Variants in ZNF71 observed in about 807,000 individuals in gnomAD.
The protein encoded by ZNF71 is zinc finger protein 71, also known as endothelial zinc finger protein induced by tumor necrosis factor alpha.
Under a neutral mutation model 6.7 loss-of-function variants are expected in ZNF71, and 3 were observed. The observed-to-expected ratio is 0.45, with a 90% CI of 0.20 to 1.16. ZNF71 has a LOEUF of 1.16. ZNF71 is among the 50% of genes most tolerant of loss of function. The pLI is 0.25. For missense variants in ZNF71, 688 were observed against 728.6 expected, an observed-to-expected ratio of 0.94 and a Z score of 0.64; for synonymous variants, 343 against 311.1, an observed-to-expected ratio of 1.10 and a Z score of -1.08.
chr19:56,607,518 C>A (rs58035679), intron 2 of ZNF71, among the ~76,000 whole-genome samples: 12,435 of 152,164 alleles, frequency 0.082, 1,624 homozygotes, highest in African/African-American at 0.28. Flanking sequence ...CCCCCCATGA[C>A]GTAGATGCTG....
chr19:56,614,338 A>G (rs989421318), intron 3 of ZNF71, among the ~76,000 whole-genome samples: 1 of 152,236 alleles, frequency 6.6e-6, no homozygotes, highest in African/African-American at 2.4e-5. Context: ...AAAAAAGAAT[A>G]ATAGCCCATA....
rs1351853919 is a variant in ZNF71 at position 56,603,615 on chromosome 19, G to A, written c.33+2024G>A. On this transcript the variant is annotated intron_variant, in intron 2 of 3. Transcript: ENST00000599599. The surrounding 1 kb of genome is among the most constrained non-coding windows in gnomAD (Gnocchi z 4.6). ...AATGTTGGGTCATATGGTTAACTCT[G>A]TTGAACCAGTAAAGGAACCACCAGA... Among the ~76,000 whole-genome samples, 1 of 152,130 alleles carries A rather than the reference G, an allele frequency of 6.6e-6. No homozygotes were observed. The highest frequency in any genetic ancestry group is 1.9e-4 in the East Asian group (1 of 5,188).
intron 3 of ZNF71, among the ~76,000 whole-genome samples, chr19:56,614,268 C>A (rs888642673): frequency 1.5e-4 from 23 of 152,274 alleles, no homozygotes; most frequent in Non-Finnish European, 2.8e-4. Context: ...TTAAACCTTA[C>A]TACTGGAGAC....
chr19:56,596,254 G>C lies in ZNF71; in HGVS notation c.-53+826G>C, dbSNP rs117510325. ...GTCTTTCCAGGGGCCAGTCCTGTCT[G>C]GATCTTTCCTATCTCTGTGTGTCCA... On this transcript the variant is annotated intron_variant, in intron 1 of 3. Transcript: ENST00000599599. 2.0e-3 allele frequency among the ~76,000 whole-genome samples: 304 copies of C among 152,164 alleles called. 5 individuals carry two copies. In the East Asian group the frequency reaches 0.041, roughly 20 times the overall value.
At chr19:56,600,608 T>C in intron 1 of ZNF71, among the ~76,000 whole-genome samples, 1 of 152,106 alleles carries the variant, frequency 6.6e-6, no homozygotes, top group Non-Finnish European at 1.5e-5. Context: ...CATGAGTTTG[T>C]TTTAATTTTT....
rs2044880615 is a variant in ZNF71, at chr19:56,623,273, G to A, written c.*516G>A. The A allele has an allele frequency of 5.9e-6, 1 of 169,586 alleles. No individual in the cohort carries two copies. Among genetic ancestry groups the A allele is most frequent in the Admixed American group, 6.4e-5 (1 of 15,570 alleles). 10.5% of individuals were successfully genotyped at this position (169,586 alleles called of 1,614,324 possible). ...CGTTTCCCTGCAGTGCACGCTGGCA[G>A]CCACCAAGCTAGGAAGTGGCAGGAG... On this transcript the variant is annotated 3_prime_UTR_variant, in exon 4 of 4. Transcript: ENST00000599599.
rs202099305 is a variant in ZNF71 at position 56,621,418 on chromosome 19, G to A, written c.311G>A (p.Trp104Ter). ...GAAGGAGTGTGGGAACCAGGCAGCT[G>A]GCCAGAGAGGCCGCGGGGAGATGCA... ...GSEGVWEPGS[W>*]PERPRGDAGA... The change falls in exon 4 of 4, where the codon TGG becomes TAG. Residue 104 changes from tryptophan (W) to a stop codon, truncating the protein, a stop_gained. Transcript: ENST00000599599. LOFTEE classifies it low-confidence loss of function (END_TRUNC). The A allele has an allele frequency of 7.9e-5, 128 of 1,613,490 alleles. No homozygotes were observed. The highest frequency in any genetic ancestry group is 1.1e-4 in the Non-Finnish European group (126 of 1,179,640).
At chr19:56,601,195 C>T (rs2044668203) in intron 1 of ZNF71, among the ~76,000 whole-genome samples, 1 of 152,130 alleles carries the variant, frequency 6.6e-6, no homozygotes, top group Non-Finnish European at 1.5e-5. Context: ...ACATACTCTG[C>T]CTGACTCCAG....
Position 56,622,245 on chromosome 19 carries a change from C to G in ZNF71, c.1138C>G (p.His380Asp). The G allele has an allele frequency of 6.2e-7, 1 of 1,609,016 alleles. No homozygotes were observed. The highest frequency in any genetic ancestry group is 1.3e-5 in the African/African-American group (1 of 75,030). ...CTCGCTCACCCTGCACCAGAGGAAC[C>G]ACACCGGCGAGAAGCCCTACGTGTG... is the stretch of plus-strand genomic sequence containing the variant. ...SSSLTLHQRN[H>D]TGEKPYVCGE... Residue 380 changes from histidine (H) to aspartate (D), a missense_variant, in exon 4 of 4, where the codon CAC becomes GAC. His to Asp is a moderately conservative substitution (Grantham distance 81). Coordinates refer to ENST00000599599, the MANE Select transcript of ZNF71 (RefSeq NM_001370215.1).
intron 3 of ZNF71, among the ~76,000 whole-genome samples, chr19:56,616,113 C>T (rs1230165555): frequency 1.3e-5 from 2 of 152,208 alleles, no homozygotes; most frequent in South Asian, 2.1e-4. Flanking sequence ...GAAATCTTGG[C>T]CTATCCCAAG....
intron 1 of ZNF71, among the ~76,000 whole-genome samples, chr19:56,595,986 G>A (rs1281834889): frequency 2.0e-5 from 3 of 150,160 alleles, no homozygotes; most frequent in Non-Finnish European, 3.0e-5. Flanking sequence ...GTGTGGTAGC[G>A]TGTGTGTGTG....
In ZNF71 at chr19:56,623,978, C is replaced by G. The variant is rs1038113438; in HGVS notation, c.*1221C>G. On this transcript the variant is annotated 3_prime_UTR_variant, in exon 4 of 4. Coordinates refer to ENST00000599599, the MANE Select transcript of ZNF71 (RefSeq NM_001370215.1). ...ACAGGGAAGCACCAACAGACCATATCAGTAACTTCGAGTGAGTTTCCTAAG... is the reference window on the plus strand; with the variant it reads ...ACAGGGAAGCACCAACAGACCATATGAGTAACTTCGAGTGAGTTTCCTAAG... 1 of 167,118 alleles carries G rather than the reference C, an allele frequency of 6.0e-6. No homozygotes were observed. Among genetic ancestry groups the G allele is most frequent in the East Asian group, 1.9e-4 (1 of 5,198 alleles). The allele number at this position is 167,118 out of a possible 1,614,324, so 10.4% of individuals were successfully genotyped here.
rs200131241 is a variant in ZNF71, at chr19:56,617,107, C to CTTTT, written c.160+3170_160+3173dup. ...TAAGATTACAGGAGACTTCCATTTT[C>CTTTT]TTTTGTTTTTTTTTGTTTTTTTTGA... On this transcript the variant is annotated intron_variant, in intron 3 of 3. Transcript: ENST00000599599. 1.8e-3 allele frequency among the ~76,000 whole-genome samples: 216 copies of CTTTT among 117,074 alleles called. 3 individuals are homozygous for CTTTT. The highest frequency in any genetic ancestry group is 7.6e-3 in the East Asian group (23 of 3,032). The allele number at this position is 117,074 out of a possible 152,430, so 76.8% of individuals were successfully genotyped here. A position where few individuals can be genotyped will look rare whatever the true frequency, so the allele number is the denominator to read the frequency against.
chr19:56,602,116 A>G (rs1409372537), intron 2 of ZNF71, among the ~76,000 whole-genome samples: 3 of 152,192 alleles, frequency 2.0e-5, no homozygotes, highest in Non-Finnish European at 4.4e-5. Flanking sequence ...GCATTTCTCC[A>G]CATCATTAAA....
rs1289973937 is a variant in ZNF71, at chr19:56,618,570, A to G, written c.161-2698A>G. On this transcript the variant is annotated intron_variant, in intron 3 of 3. Transcript: ENST00000599599. The surrounding 1 kb of genome is among the most constrained non-coding windows in gnomAD (Gnocchi z 4.6). ...GCCACAGGTCACTGAGTGTTCATAA[A>G]GAAGTGGGCAGGAGGACCTTCCTTC... 6.6e-6 allele frequency among the ~76,000 whole-genome samples: 1 copy of G among 152,176 alleles called. No individual in the cohort carries two copies. Among genetic ancestry groups the G allele is most frequent in the East Asian group, 1.9e-4 (1 of 5,200 alleles).
chr19:56,601,077 G>A (rs893692897), intron 1 of ZNF71, among the ~76,000 whole-genome samples: 2 of 152,140 alleles, frequency 1.3e-5, no homozygotes, highest in African/African-American at 4.8e-5. Context: ...GCCCTCAGCA[G>A]CCTGCGGGAA....
chr19:56,600,806 A>G (rs10423168), intron 1 of ZNF71, among the ~76,000 whole-genome samples: 105,299 of 152,034 alleles, frequency 0.69, 37,041 homozygotes, highest in East Asian at 1. Context: ...TTGAGACTTT[A>G]TCCTGAGCTT....
chr19:56,603,153 C>T lies in ZNF71; in HGVS notation c.33+1562C>T, dbSNP rs143639873. Among the ~76,000 whole-genome samples, 1 of 152,314 alleles carries T rather than the reference C, an allele frequency of 6.6e-6. No individual in the cohort carries two copies. Among genetic ancestry groups the T allele is most frequent in the African/African-American group, 2.4e-5 (1 of 41,564 alleles). ...TTCATAGAGTCGCGTTAACCATCAC[C>T]ACAGTCCATTTCAGAATATTTTCAT... On this transcript the variant is annotated intron_variant, in intron 2 of 3. Transcript: ENST00000599599. The surrounding 1 kb of genome is among the most constrained non-coding windows in gnomAD (Gnocchi z 4.6).
chr19:56,621,376 C>T lies in ZNF71; in HGVS notation c.269C>T (p.Ala90Val). The T allele has an allele frequency of 6.2e-7, 1 of 1,601,246 alleles. No homozygotes were observed. Among genetic ancestry groups the T allele is most frequent in the South Asian group, 1.1e-5 (1 of 89,288 alleles). ...ACGGGGGGACCCACGAGGAATGGTG[C>T]CAGGGGTCCTGGCTCAGAAGGAGTG... ...EATGGPTRNG[A>V]RGPGSEGVWE... is the part of the protein sequence containing the mutation. Residue 90 changes from alanine to valine, a missense_variant, in exon 4 of 4, where the codon GCC becomes GTC. Physicochemically the swap from Ala to Val is moderately conservative, Grantham distance 64. Coordinates refer to ENST00000599599, the MANE Select transcript of ZNF71 (RefSeq NM_001370215.1).
Sources: gnomAD v4.1 joint callset for allele counts (sites outside exome capture counted in the v4.1 genomes callset) on GRCh38, gnomAD v4.1.1 for gene constraint, Gnocchi (gnomAD v3.1) non-coding constraint, MANE v1.5 for transcripts, NCBI Gene and HGNC (gene_info 2026-07-23, HGNC 2026-07-21) for gene names.